The following NRXN3 variants were observed in gnomAD, a reference collection of about 807,000 sequenced individuals.
The protein encoded by NRXN3 is neurexin III.
Under a neutral mutation model 137.6 loss-of-function variants are expected in NRXN3, and 32 were observed. That is an observed-to-expected ratio of 0.23 (90% CI 0.18 to 0.31). The LOEUF (loss-of-function observed/expected upper bound fraction) is 0.31. Among genes scored for constraint, NRXN3 ranks in the 10% least tolerant of loss-of-function variants. The probability of loss-of-function intolerance (pLI) is 1.00; values close to 1 mark genes in which losing one functional copy is unlikely to be tolerated. For missense variants in NRXN3, 1,574 were observed against 2,062.5 expected (o/e 0.76, Z 4.59); for synonymous variants, 798 against 784.5 (o/e 1.02, Z -0.29).
rs2099415364 is a variant in NRXN3, at chr14:79,862,585, T to G, written c.*621T>G. The G allele has an allele frequency of 6.6e-6, 1 of 152,568 alleles. No individual in the cohort carries two copies. The allele number at this position is 152,568 out of a possible 1,614,324, so 9.5% of individuals were successfully genotyped here. A position where few individuals can be genotyped will look rare whatever the true frequency, so the allele number is the denominator to read the frequency against. On this transcript the variant is annotated 3_prime_UTR_variant, in exon 21 of 21. Transcript: ENST00000335750. ...ATGGCTTTTGGGTTTTTGTTTATTT[T>G]TTTGATAATGACTGGACATCAGAAG...
chr14:78,808,674 C>T (rs942040537), intron 9 of NRXN3, among the ~76,000 whole-genome samples: 2 of 152,074 alleles, frequency 1.3e-5, no homozygotes, highest in African/African-American at 2.4e-5. Context: ...CAAACCTAAC[C>T]GCACGAAACC....
chr14:78,425,080 A>C (rs892596462), intron 4 of NRXN3, among the ~76,000 whole-genome samples: 2 of 152,228 alleles, frequency 1.3e-5, no homozygotes, highest in African/African-American at 2.4e-5. Flanking sequence ...AAGGAGTTTC[A>C]TCTTGATAAT....
At chr14:79,119,246 T>A (rs1000565398) in intron 15 of NRXN3, among the ~76,000 whole-genome samples, 1 of 152,164 alleles carries the variant, frequency 6.6e-6, no homozygotes, top group Non-Finnish European at 1.5e-5. Flanking sequence ...CTATGTGTTT[T>A]TGTATTTTCT....
At chr14:78,526,414 T>A (rs1422809819) in intron 4 of NRXN3, among the ~76,000 whole-genome samples, 1 of 152,212 alleles carries the variant, frequency 6.6e-6, no homozygotes, top group Non-Finnish European at 1.5e-5. Context: ...TGCAAACGTT[T>A]CTGTGGATAC....
chr14:79,440,218 C>G (rs1199553550), intron 15 of NRXN3, among the ~76,000 whole-genome samples: 1 of 152,138 alleles, frequency 6.6e-6, no homozygotes, highest in East Asian at 1.9e-4. Context: ...TGGTTAAGAG[C>G]CTTTGGATTC....
rs143278411 is a variant in NRXN3 at position 79,475,019 on chromosome 14, C to T, written c.3444+7617C>T. 6.5e-3 allele frequency among the ~76,000 whole-genome samples: 981 copies of T among 152,068 alleles called. 14 individuals are homozygous for T. Among genetic ancestry groups the T allele is most frequent in the African/African-American group, 0.023 (948 of 41,512 alleles). ...CAGATAAAGTCACAAAGAGCTTGGT[C>T]GTATACTCGGGGATAGAGCCCCCAC... is the stretch of plus-strand genomic sequence containing the variant. On this transcript the variant is annotated intron_variant, in intron 16 of 20. Transcript: ENST00000335750.
intron 1 of NRXN3, among the ~76,000 whole-genome samples, chr14:78,191,917 G>C (rs896286612): frequency 1.3e-5 from 2 of 152,248 alleles, no homozygotes; most frequent in African/African-American, 4.8e-5. Context: ...CCTGGTGAGG[G>C]GGGGAGGGTG....
intron 15 of NRXN3, among the ~76,000 whole-genome samples, chr14:79,068,595 A>G (rs2099683670): frequency 6.6e-6 from 1 of 152,152 alleles, no homozygotes; most frequent in Non-Finnish European, 1.5e-5. Context: ...TGTCACTTGA[A>G]TTAACATAGT....
At chr14:78,668,974 A>G (rs554208676) in intron 6 of NRXN3, among the ~76,000 whole-genome samples, 5 of 151,936 alleles carry the variant, frequency 3.3e-5, no homozygotes, top group African/African-American at 1.2e-4. Flanking sequence ...CTATCTACCT[A>G]CCTACCTAGA....
chr14:78,405,615 G>GGGGGT (rs2092432166), intron 4 of NRXN3, among the ~76,000 whole-genome samples: 1 of 144,182 alleles, frequency 6.9e-6, no homozygotes, highest in Non-Finnish European at 1.5e-5. Flanking sequence ...GGAAGGGGCG[G>GGGGGT]GGGGGTTCCG....
chr14:79,613,809 C>T (rs967649967), intron 16 of NRXN3, among the ~76,000 whole-genome samples: 1 of 152,216 alleles, frequency 6.6e-6, no homozygotes, highest in Non-Finnish European at 1.5e-5. Context: ...TCTAAGTCAA[C>T]CTTTCATTTT....
At chr14:78,407,781 G>A (rs769751796) in intron 4 of NRXN3, among the ~76,000 whole-genome samples, 4 of 152,058 alleles carry the variant, frequency 2.6e-5, no homozygotes, top group Admixed American at 6.5e-5. Flanking sequence ...ATTAGTCAAC[G>A]AAGTCGTATT....
intron 16 of NRXN3, among the ~76,000 whole-genome samples, chr14:79,506,138 G>A (rs1163026959): frequency 2.0e-5 from 3 of 152,154 alleles, no homozygotes; most frequent in African/African-American, 4.8e-5. Context: ...GATAACTACA[G>A]GAGTGACATC....
At chr14:79,612,136 T>G (rs1490348688) in intron 16 of NRXN3, among the ~76,000 whole-genome samples, 2 of 152,198 alleles carry the variant, frequency 1.3e-5, no homozygotes, top group Non-Finnish European at 2.9e-5. Context: ...CCTAGTAAAT[T>G]ATAGTCTCAG....
At chr14:78,772,918 C>T (rs1196786934) in intron 8 of NRXN3, among the ~76,000 whole-genome samples, 1 of 152,180 alleles carries the variant, frequency 6.6e-6, no homozygotes, top group Non-Finnish European at 1.5e-5. Context: ...GGAGGAAGTT[C>T]TTTTCCCTGT....
chr14:78,289,212 T>C (rs917029705), intron 3 of NRXN3, among the ~76,000 whole-genome samples: 1 of 152,252 alleles, frequency 6.6e-6, no homozygotes, highest in Non-Finnish European at 1.5e-5. Flanking sequence ...TATATGATTA[T>C]CCTGAGTGTT....
chr14:78,994,424 T>C (rs981172428), intron 15 of NRXN3, among the ~76,000 whole-genome samples: 2 of 152,188 alleles, frequency 1.3e-5, no homozygotes, highest in Middle Eastern at 3.2e-3. Context: ...CTTCTTTCAA[T>C]AGAATGCATG....
At chr14:78,673,995 G>A (rs1034093965) in intron 6 of NRXN3, among the ~76,000 whole-genome samples, 2 of 152,166 alleles carry the variant, frequency 1.3e-5, no homozygotes, top group Non-Finnish European at 2.9e-5. Context: ...TATGCCTATA[G>A]TGGGCCCATG....
At chr14:79,021,255 T>A (rs537170845) in intron 15 of NRXN3, among the ~76,000 whole-genome samples, 1 of 152,084 alleles carries the variant, frequency 6.6e-6, no homozygotes, top group Non-Finnish European at 1.5e-5. Flanking sequence ...AAGGTAAACT[T>A]TGAGGTTGCA....
Sources: gnomAD v4.1 joint callset for allele counts (sites outside exome capture counted in the v4.1 genomes callset) on GRCh38, gnomAD v4.1.1 for gene constraint, MANE v1.5 for transcripts, NCBI Gene and HGNC (gene_info 2026-07-23, HGNC 2026-07-21) for gene names.